Variants in KSR2 observed in about 807,000 individuals in gnomAD.
The protein encoded by KSR2 is kinase suppressor of ras 2.
In KSR2, 25 loss-of-function variants were observed where a neutral mutation model predicts 107.8. The ratio of observed to expected loss-of-function variants is 0.23; its 90% CI spans 0.17 to 0.32. The LOEUF (loss-of-function observed/expected upper bound fraction) is 0.32, where lower values mean the gene tolerates loss of function less well. Ranked by LOEUF, KSR2 falls within the 10% of genes least tolerant of loss-of-function variation. The pLI, the probability that KSR2 is intolerant of heterozygous loss-of-function variation, is 1.00. For synonymous variants in KSR2, 480 were observed against 507.0 expected, an observed-to-expected ratio of 0.95 and a Z score of 0.71; for missense variants, 887 against 1,268.9, an observed-to-expected ratio of 0.70 and a Z score of 4.57.
At chr12:117,476,421 G>C (rs1425910481) in intron 17 of KSR2, 43 bp downstream of exon 17, 1 of 1,534,926 alleles carries the variant, frequency 6.5e-7, no homozygotes, top group Admixed American at 2.0e-5. Context: ...GTGCCCCTCT[G>C]CCCAGGCTGT....
At chr12:117,483,579 A>T (rs76087151) in intron 16 of KSR2, among the ~76,000 whole-genome samples, 1 of 152,110 alleles carries the variant, frequency 6.6e-6, no homozygotes, top group African/African-American at 2.4e-5. Context: ...AAGGAGAGAG[A>T]GTGCAGTCCA....
intron 4 of KSR2, among the ~76,000 whole-genome samples, chr12:117,670,771 A>T (rs1884874716): frequency 6.6e-6 from 1 of 152,114 alleles, no homozygotes; most frequent in African/African-American, 2.4e-5. Context: ...GATGAAGGAG[A>T]CAGGGCAGGG....
chr12:117,638,786 C>T (rs954435256), intron 5 of KSR2, among the ~76,000 whole-genome samples: 1 of 152,106 alleles, frequency 6.6e-6, no homozygotes, highest in Non-Finnish European at 1.5e-5. Context: ...CTCAGGTGTT[C>T]ATTTTATCAG....
At chr12:117,683,179 C>T (rs2136542206) in intron 4 of KSR2, among the ~76,000 whole-genome samples, 1 of 152,002 alleles carries the variant, frequency 6.6e-6, no homozygotes, top group South Asian at 2.1e-4. Flanking sequence ...AAATAAAACA[C>T]AATTTTTAGT....
rs1235026799 is a variant in KSR2, at chr12:117,855,582, G to C, written c.322-4C>G. 1.2e-6 allele frequency: 2 copies of C among 1,613,902 alleles called. No individual in the cohort carries two copies. The highest frequency in any genetic ancestry group is 8.5e-7 in the Non-Finnish European group (1 of 1,179,848). ...TCAGCTGGCCGGGGGAGATTTCCTA[G>C]AGGAGGGGAGAAGGATTGTCAACCG... On this transcript the variant is annotated splice_polypyrimidine_tract_variant and splice_region_variant and intron_variant, in intron 2 of 19. Coordinates refer to ENST00000339824, the MANE Select transcript of KSR2 (RefSeq NM_173598.6).
At chr12:117,799,901 T>C (rs1338654409) in intron 3 of KSR2, among the ~76,000 whole-genome samples, 3 of 152,040 alleles carry the variant, frequency 2.0e-5, no homozygotes, top group African/African-American at 7.2e-5. Flanking sequence ...AGGTTGAGTG[T>C]AAAAAAGGCA....
At chr12:117,742,151 G>GA (rs1489495034) in intron 4 of KSR2, among the ~76,000 whole-genome samples, 4 of 152,008 alleles carry the variant, frequency 2.6e-5, no homozygotes, top group African/African-American at 7.2e-5. Flanking sequence ...TAATCATAAG[G>GA]AAAAAAACAA....
intron 1 of KSR2, among the ~76,000 whole-genome samples, chr12:117,963,209 C>T (rs995710882): frequency 3.2e-4 from 48 of 150,894 alleles, no homozygotes; most frequent in African/African-American, 1.2e-3. Context: ...AGAAAACTGC[C>T]CCACCCATTC....
chr12:117,762,372 T>G (rs113266923), intron 3 of KSR2, among the ~76,000 whole-genome samples: 13 of 152,336 alleles, frequency 8.5e-5, no homozygotes, highest in African/African-American at 2.4e-4. Context: ...TTCTTATTCA[T>G]GCATTTGTCC....
At chr12:117,955,258 G>A (rs1475776438) in intron 1 of KSR2, among the ~76,000 whole-genome samples, 2 of 151,884 alleles carry the variant, frequency 1.3e-5, no homozygotes, top group Non-Finnish European at 2.9e-5. Flanking sequence ...AGGTATCTGG[G>A]ACCACAGGCA....
chr12:117,817,415 C>A (rs150448160), intron 3 of KSR2, among the ~76,000 whole-genome samples: 1 of 151,798 alleles, frequency 6.6e-6, no homozygotes, highest in African/African-American at 2.4e-5. Flanking sequence ...AAAAACAGCA[C>A]GGGAAATTAG....
intron 4 of KSR2, among the ~76,000 whole-genome samples, chr12:117,675,494 C>T (rs578061163): frequency 9.2e-5 from 14 of 152,338 alleles, no homozygotes; most frequent in African/African-American, 3.4e-4. Flanking sequence ...CAGCCCCCGG[C>T]CACCCTTGGC....
chr12:117,733,294 C>G (rs1467943233), intron 4 of KSR2, among the ~76,000 whole-genome samples: 2 of 152,140 alleles, frequency 1.3e-5, no homozygotes, highest in African/African-American at 2.4e-5. Context: ...CACAACCACT[C>G]TTAGTTAATA....
At chr12:117,705,763 T>C (rs1323923394) in intron 4 of KSR2, among the ~76,000 whole-genome samples, 1 of 152,192 alleles carries the variant, frequency 6.6e-6, no homozygotes, top group Non-Finnish European at 1.5e-5. Flanking sequence ...GGGGTGCCCC[T>C]GCATAGACTG....
rs917288511 is a variant in KSR2 at position 117,968,915 on chromosome 12, C to T, written c.-660G>A. On this transcript the variant is annotated 5_prime_UTR_variant, in exon 1 of 20. Transcript: ENST00000339824. ...GCGCTGCTGCTGCTGCTGCTGCTGC[C>T]GCCGCCGGGCTCCGGGGGTGACGGT... 4.4e-5 allele frequency: 11 copies of T among 251,718 alleles called. No homozygotes were observed. The highest frequency in any genetic ancestry group is 1.5e-4 in the South Asian group (4 of 27,342). The allele number at this position is 251,718 out of a possible 1,614,324, so 15.6% of individuals were successfully genotyped here. A position where few individuals can be genotyped will look rare whatever the true frequency, so the allele number is the denominator to read the frequency against.
At chr12:117,659,412 C>A (rs1281077822) in intron 5 of KSR2, among the ~76,000 whole-genome samples, 3 of 152,202 alleles carry the variant, frequency 2.0e-5, no homozygotes, top group Non-Finnish European at 4.4e-5. Flanking sequence ...AACATACACA[C>A]CCACACATGC....
chr12:117,511,868 G>A (rs1428775376), intron 14 of KSR2, among the ~76,000 whole-genome samples: 2 of 152,184 alleles, frequency 1.3e-5, no homozygotes, highest in Non-Finnish European at 2.9e-5. Context: ...TGCATTTCCT[G>A]TCTCAGCGAC....
At chr12:117,867,818 T>C (rs1278383787) in intron 1 of KSR2, among the ~76,000 whole-genome samples, 1 of 152,212 alleles carries the variant, frequency 6.6e-6, no homozygotes, top group Non-Finnish European at 1.5e-5. Flanking sequence ...GCTTATGTTA[T>C]GTGCCACTGG....
Position 117,591,608 on chromosome 12 carries a change from G to A in KSR2, c.1172-9249C>T, listed in dbSNP as rs898663638. On this transcript the variant is annotated intron_variant, in intron 5 of 19. Coordinates refer to ENST00000339824, the MANE Select transcript of KSR2 (RefSeq NM_173598.6). ...AGCAGATGAAGGGCTGGTATGTGGC[G>A]GCTAGAGGTAGGACATTGGAGAGGA... Among the ~76,000 whole-genome samples the A allele has an allele frequency of 9.2e-5, 14 of 152,094 alleles. No homozygotes were observed. In the East Asian group the frequency reaches 1.7e-3, roughly 19 times the overall value.
Sources: allele counts gnomAD v4.1 joint callset (sites outside exome capture counted in the v4.1 genomes callset), GRCh38; gene constraint gnomAD v4.1.1; transcripts MANE v1.5; gene names NCBI Gene and HGNC (gene_info 2026-07-23, HGNC 2026-07-21).